The following DIP2B variants were observed in gnomAD, a reference collection of about 807,000 sequenced individuals.
DIP2B encodes disco-interacting protein 2 homolog B.
In DIP2B, 76 loss-of-function variants were observed where a neutral mutation model predicts 198.0. The ratio of observed to expected loss-of-function variants is 0.38; its 90% CI spans 0.32 to 0.46. The LOEUF is 0.46. Among genes scored for constraint, DIP2B ranks in the 20% least tolerant of loss-of-function variants. The pLI is 0.99. For missense variants in DIP2B, 1,559 were observed against 1,978.4 expected, an observed-to-expected ratio of 0.79 and a Z score of 4.02; for synonymous variants, 701 against 739.1, an observed-to-expected ratio of 0.95 and a Z score of 0.84.
chr12:50,685,237 T>C (rs1425507894), intron 10 of DIP2B, among the ~76,000 whole-genome samples: 4 of 152,246 alleles, frequency 2.6e-5, no homozygotes. Context: ...TGGCAGAATT[T>C]GTGTGGTTTC....
chr12:50,724,572 A>G (rs768790692), intron 27 of DIP2B, among the ~76,000 whole-genome samples: 1 of 152,240 alleles, frequency 6.6e-6, no homozygotes, highest in Non-Finnish European at 1.5e-5. Context: ...GAACAGGTCC[A>G]TCATTCTGAG....
chr12:50,685,529 G>A (rs1939116887), intron 10 of DIP2B, among the ~76,000 whole-genome samples: 1 of 152,140 alleles, frequency 6.6e-6, no homozygotes, highest in African/African-American at 2.4e-5. Flanking sequence ...TATTTAATTT[G>A]CTGGAAACTA....
chr12:50,670,819 A>G (rs1259449331), intron 4 of DIP2B, among the ~76,000 whole-genome samples: 1 of 152,244 alleles, frequency 6.6e-6, no homozygotes, highest in Non-Finnish European at 1.5e-5. Context: ...GTAGCAACAT[A>G]CCACAAGAAG....
intron 1 of DIP2B, among the ~76,000 whole-genome samples, chr12:50,554,258 C>T (rs1228425040): frequency 6.6e-6 from 1 of 152,146 alleles, no homozygotes; most frequent in African/African-American, 2.4e-5. Context: ...CCCATGCTTC[C>T]ATACCACTTT....
intron 1 of DIP2B, among the ~76,000 whole-genome samples, chr12:50,587,900 T>G (rs1421728315): frequency 6.6e-6 from 1 of 152,228 alleles, no homozygotes; most frequent in African/African-American, 2.4e-5. Flanking sequence ...TTGTTTAAAT[T>G]CTGACCTAAT....
chr12:50,651,907 C>T (rs1278531725), intron 3 of DIP2B, among the ~76,000 whole-genome samples: 5 of 151,874 alleles, frequency 3.3e-5, no homozygotes, highest in African/African-American at 9.7e-5. Flanking sequence ...AGGCCAGGTG[C>T]GGTGGCTCAC....
intron 7 of DIP2B, 31 bp downstream of exon 7, chr12:50,675,479 C>A: frequency 6.3e-7 from 1 of 1,587,456 alleles, no homozygotes; most frequent in South Asian, 1.1e-5. Flanking sequence ...AACATATATT[C>A]ATTAAATAAA....
intron 1 of DIP2B, among the ~76,000 whole-genome samples, chr12:50,514,905 A>G (rs1337851777): frequency 6.6e-6 from 1 of 151,876 alleles, no homozygotes; most frequent in Non-Finnish European, 1.5e-5. Flanking sequence ...TAATCTTCCC[A>G]CCTCAGCCTC....
chr12:50,535,089 G>A (rs914061917), intron 1 of DIP2B, among the ~76,000 whole-genome samples: 2 of 152,030 alleles, frequency 1.3e-5, no homozygotes, highest in Non-Finnish European at 2.9e-5. Flanking sequence ...AAAATTAGCC[G>A]GGTGTGATGG....
intron 1 of DIP2B, among the ~76,000 whole-genome samples, chr12:50,518,908 T>C (rs1335656806): frequency 6.6e-6 from 1 of 152,144 alleles, no homozygotes; most frequent in Non-Finnish European, 1.5e-5. Context: ...GCCTGGCTAA[T>C]TTTTTATTTT....
At chr12:50,600,992 G>T (rs2139442292) in intron 1 of DIP2B, among the ~76,000 whole-genome samples, 2 of 150,394 alleles carry the variant, frequency 1.3e-5, no homozygotes, top group South Asian at 4.2e-4. Context: ...AACTGGGTCT[G>T]CTGGATTGCC....
chr12:50,734,348 A>AT lies in DIP2B; in HGVS notation c.4043+153dup, dbSNP rs1480255720. The AT allele has an allele frequency of 8.3e-6, 6 of 718,998 alleles. No homozygotes were observed. In the East Asian group the frequency reaches 1.6e-4, roughly 19 times the overall value. The allele number at this position is 718,998 out of a possible 1,614,324, so 44.5% of individuals were successfully genotyped here. A position where few individuals can be genotyped will look rare whatever the true frequency, so the allele number is the denominator to read the frequency against. On this transcript the variant is annotated intron_variant, in intron 33 of 37. Coordinates refer to ENST00000301180, the MANE Select transcript of DIP2B (RefSeq NM_173602.3). ...AGGAATTTGTTTTTATCATTAATAC[A>AT]TAAGATTTACATTTATAAGAAAGCT... is the stretch of plus-strand genomic sequence containing the variant.
At chr12:50,688,856 G>C (rs1447343697) in intron 12 of DIP2B, among the ~76,000 whole-genome samples, 5 of 152,050 alleles carry the variant, frequency 3.3e-5, no homozygotes, top group African/African-American at 9.7e-5. Flanking sequence ...AAAGGTGGAG[G>C]GTCCTCCATT....
At chr12:50,674,789 G>A (rs1281766545) in intron 6 of DIP2B, among the ~76,000 whole-genome samples, 160 bp downstream of exon 6, 1 of 152,228 alleles carries the variant, frequency 6.6e-6, no homozygotes, top group Non-Finnish European at 1.5e-5. Context: ...CATCTGCACA[G>A]TGACAGTATT....
intron 22 of DIP2B, among the ~76,000 whole-genome samples, chr12:50,710,624 C>T (rs1392027323): frequency 6.6e-6 from 1 of 152,090 alleles, no homozygotes; most frequent in Non-Finnish European, 1.5e-5. Context: ...AGATTTTCGC[C>T]ATGTTGGCCA....
chr12:50,738,238 G>A (rs1940173867), intron 35 of DIP2B, among the ~76,000 whole-genome samples: 2 of 151,952 alleles, frequency 1.3e-5, no homozygotes, highest in South Asian at 4.1e-4. Flanking sequence ...TACTCAGGAG[G>A]CTGAGGCTTG....
intron 1 of DIP2B, among the ~76,000 whole-genome samples, chr12:50,568,587 T>C (rs1158545850): frequency 6.6e-6 from 1 of 152,092 alleles, no homozygotes; most frequent in Admixed American, 6.6e-5. Flanking sequence ...AGCCAGGAGG[T>C]GAAGGAGTAA....
intron 1 of DIP2B, among the ~76,000 whole-genome samples, chr12:50,522,651 C>G (rs778602911): frequency 1.4e-4 from 22 of 152,144 alleles, no homozygotes; most frequent in Non-Finnish European, 2.5e-4. Flanking sequence ...TTTTCAGCCT[C>G]TTTATAACAT....
intron 1 of DIP2B, among the ~76,000 whole-genome samples, chr12:50,596,148 G>A (rs1958876607): frequency 1.3e-5 from 2 of 152,204 alleles, no homozygotes; most frequent in South Asian, 2.1e-4. Context: ...TGTAGTTGAA[G>A]TTCCATGTTT....
Sources: gnomAD v4.1 joint callset for allele counts (sites outside exome capture counted in the v4.1 genomes callset) on GRCh38, gnomAD v4.1.1 for gene constraint, MANE v1.5 for transcripts, NCBI Gene and HGNC (gene_info 2026-07-23, HGNC 2026-07-21) for gene names.